MCTP1: variants seen among roughly 807,000 people sequenced by gnomAD.
MCTP1 encodes the protein multiple C2 and transmembrane domain-containing protein 1.
Under a neutral mutation model 120.6 loss-of-function variants are expected in MCTP1, and 69 were observed. The observed-to-expected ratio is 0.57, with a 90% CI of 0.47 to 0.70. MCTP1 has a LOEUF of 0.70. Among genes scored for constraint, MCTP1 ranks in the 30% least tolerant of loss-of-function variants. MCTP1 has a pLI of 0.00. For missense variants in MCTP1, 1,203 were observed against 1,248.8 expected (o/e 0.96, Z 0.55); for synonymous variants, 529 against 493.1 (o/e 1.07, Z -0.96).
chr5:95,132,634 G>A (rs913249786), intron 1 of MCTP1, among the ~76,000 whole-genome samples: 1 of 152,056 alleles, frequency 6.6e-6, no homozygotes, highest in African/African-American at 2.4e-5. Flanking sequence ...TTGGCAAACC[G>A]CTCTATCCTC....
At chr5:94,882,660 C>G (rs1800377880) in intron 12 of MCTP1, among the ~76,000 whole-genome samples, 1 of 152,140 alleles carries the variant, frequency 6.6e-6, no homozygotes, top group Non-Finnish European at 1.5e-5. Context: ...TTTCTTTACT[C>G]AAAGGATCAT....
At chr5:94,923,761 T>C (rs2153463775) in intron 7 of MCTP1, among the ~76,000 whole-genome samples, 1 of 152,316 alleles carries the variant, frequency 6.6e-6, no homozygotes, top group South Asian at 2.1e-4. Context: ...ATATGTTCAA[T>C]TTATGAAGTT....
intron 18 of MCTP1, among the ~76,000 whole-genome samples, chr5:94,786,816 T>G (rs1352690132): frequency 6.6e-6 from 1 of 152,246 alleles, no homozygotes; most frequent in South Asian, 2.1e-4. Context: ...TTCATAAAGA[T>G]AATTCTCCAT....
chr5:95,141,213 G>C (rs538711707), intron 1 of MCTP1, among the ~76,000 whole-genome samples: 1 of 152,218 alleles, frequency 6.6e-6, no homozygotes, highest in East Asian at 1.9e-4. Context: ...TCACTAATTT[G>C]GATTGTATAA....
At position 94,912,977 on chromosome 5, in the gene MCTP1, CTT is replaced by C. The variant is rs938901220; in HGVS notation, c.1351-3_1351-2del. ...ATAGGCGTAAACTTTGGGTCTGAAACTTTTGGCAAATGAAAATTGAGTTAGGT... is the reference window on the plus strand; with the variant it reads ...ATAGGCGTAAACTTTGGGTCTGAAACTTGGCAAATGAAAATTGAGTTAGGT... On this transcript the variant is annotated splice_acceptor_variant and splice_polypyrimidine_tract_variant and intron_variant, in intron 8 of 22. Coordinates refer to ENST00000515393, the MANE Select transcript of MCTP1 (RefSeq NM_024717.7). LOFTEE classifies it high-confidence loss of function. 1 of 1,584,392 alleles carries C rather than the reference CTT, an allele frequency of 6.3e-7. No individual in the cohort carries two copies. The highest frequency in any genetic ancestry group is 1.8e-5 in the Admixed American group (1 of 54,932).
At chr5:94,931,439 A>T (rs1006023862) in intron 6 of MCTP1, 2 of 152,338 alleles carry the variant, frequency 1.3e-5, no homozygotes, top group African/African-American at 4.8e-5. Context: ...GCCAGGGCTT[A>T]GTAAGTTACA....
chr5:95,024,527 G>T (rs1444879728), intron 1 of MCTP1, among the ~76,000 whole-genome samples: 1 of 151,870 alleles, frequency 6.6e-6, no homozygotes, highest in Non-Finnish European at 1.5e-5. Context: ...AAATTTGAAG[G>T]CTTTTCCTCT....
rs138682863 is a variant in MCTP1 at position 95,005,139 on chromosome 5, G to A, written c.838+12228C>T. Among the ~76,000 whole-genome samples, 510 of 152,284 alleles carry A rather than the reference G, an allele frequency of 3.3e-3. 4 individuals are homozygous for A. Among genetic ancestry groups the A allele is most frequent in the African/African-American group, 0.011 (470 of 41,568 alleles). ...TTTGGAGCTTTAAGATTTAATGACT[G>A]CCCTGCTGGGTTTCAGAATTTCTTG... is the stretch of plus-strand genomic sequence containing the variant. On this transcript the variant is annotated intron_variant, in intron 2 of 22. Coordinates refer to ENST00000515393, the MANE Select transcript of MCTP1 (RefSeq NM_024717.7).
At chr5:95,088,183 T>G (rs1325181018) in intron 1 of MCTP1, among the ~76,000 whole-genome samples, 1 of 152,210 alleles carries the variant, frequency 6.6e-6, no homozygotes, top group Admixed American at 6.5e-5. Context: ...CACGGGGCTT[T>G]GGGCCAGACC....
intron 1 of MCTP1, among the ~76,000 whole-genome samples, chr5:95,197,396 G>C (rs959644017): frequency 6.6e-6 from 1 of 152,146 alleles, no homozygotes; most frequent in Admixed American, 6.5e-5. Flanking sequence ...AGGTGGGCAT[G>C]ATGAAGCATG....
At chr5:94,812,462 A>G (rs1167774883) in intron 17 of MCTP1, among the ~76,000 whole-genome samples, 1 of 150,672 alleles carries the variant, frequency 6.6e-6, no homozygotes, top group East Asian at 1.9e-4. Flanking sequence ...TACGAAAAAA[A>G]AAAAAAACCC....
At chr5:94,924,611 A>G (rs1054105833) in intron 6 of MCTP1, among the ~76,000 whole-genome samples, 4 of 152,226 alleles carry the variant, frequency 2.6e-5, no homozygotes, top group Non-Finnish European at 5.9e-5. Context: ...AATGGATTCA[A>G]GTAGAATAGT....
chr5:94,943,767 GGAAACC>G (rs1818286635), intron 3 of MCTP1, among the ~76,000 whole-genome samples: 2 of 151,672 alleles, frequency 1.3e-5, no homozygotes, highest in Admixed American at 1.3e-4. Context: ...GGAAGATCAG[GGAAACC>G]GTTTACGATG....
chr5:95,211,499 T>C (rs1752371021), intron 1 of MCTP1, among the ~76,000 whole-genome samples: 1 of 152,218 alleles, frequency 6.6e-6, no homozygotes, highest in African/African-American at 2.4e-5. Context: ...CTTCACATAG[T>C]TCTCGAGCCT....
intron 19 of MCTP1, among the ~76,000 whole-genome samples, chr5:94,721,004 T>G (rs577669301): frequency 2.2e-4 from 33 of 152,222 alleles, no homozygotes; most frequent in Middle Eastern, 3.2e-3. Flanking sequence ...AATGCCTGGC[T>G]AACTCCAGAG....
intron 17 of MCTP1, among the ~76,000 whole-genome samples, chr5:94,827,102 G>C: frequency 2.0e-5 from 3 of 152,154 alleles, no homozygotes; most frequent in Middle Eastern, 3.4e-3. Context: ...TGCAGTGGCC[G>C]GTTCTGGTTT....
chr5:95,015,795 A>C (rs537554882), intron 2 of MCTP1, among the ~76,000 whole-genome samples: 1 of 152,188 alleles, frequency 6.6e-6, no homozygotes, highest in South Asian at 2.1e-4. Flanking sequence ...ATGGGTATTT[A>C]GATTATTGCC....
intron 19 of MCTP1, among the ~76,000 whole-genome samples, chr5:94,774,889 C>T (rs1033880384): frequency 6.6e-6 from 1 of 152,128 alleles, no homozygotes; most frequent in Non-Finnish European, 1.5e-5. Context: ...CTAGAAAATG[C>T]CATTTTGTCA....
intron 17 of MCTP1, among the ~76,000 whole-genome samples, chr5:94,850,039 A>T (rs1275536229): frequency 6.6e-6 from 1 of 152,186 alleles, no homozygotes; most frequent in African/African-American, 2.4e-5. Flanking sequence ...TGAGAGGGTA[A>T]CTGACTTCAG....
Sources: gnomAD v4.1 joint callset for allele counts (sites outside exome capture counted in the v4.1 genomes callset) on GRCh38, gnomAD v4.1.1 for gene constraint, MANE v1.5 for transcripts, NCBI Gene and HGNC (gene_info 2026-07-23, HGNC 2026-07-21) for gene names.